Variants in MAGI2 observed in about 807,000 individuals in gnomAD.
The protein encoded by MAGI2 is membrane associated guanylate kinase, WW and PDZ domain containing 2, also known as membrane-associated guanylate kinase, WW and PDZ domain-containing protein 2.
In MAGI2, 35 loss-of-function variants were observed where a neutral mutation model predicts 133.3. The ratio of observed to expected loss-of-function variants is 0.26; its 90% confidence interval spans 0.20 to 0.35. The LOEUF (loss-of-function observed/expected upper bound fraction) is 0.35, where lower values mean the gene tolerates loss of function less well. Ranked by LOEUF, MAGI2 falls within the 10% of genes least tolerant of loss-of-function variation. The pLI, the probability that MAGI2 is intolerant of heterozygous loss-of-function variation, is 1.00. For missense variants in MAGI2, 1,636 were observed against 1,863.4 expected (o/e 0.88, Z 2.25); for synonymous variants, 729 against 710.6 (o/e 1.03, Z -0.41).
chr7:78,059,119 A>G (rs1342474629), intron 21 of MAGI2, among the ~76,000 whole-genome samples: 2 of 152,130 alleles, frequency 1.3e-5, no homozygotes, highest in Non-Finnish European at 2.9e-5. Context: ...ATCTACCTCT[A>G]GTCCACTGGT....
intron 21 of MAGI2, among the ~76,000 whole-genome samples, chr7:78,075,119 A>G (rs977422388): frequency 6.6e-6 from 1 of 152,216 alleles, no homozygotes; most frequent in African/African-American, 2.4e-5. Context: ...GAAGTGTGGT[A>G]TGTGCTGGGC....
At chr7:78,020,374 T>C (rs1313751552) in intron 21 of MAGI2, among the ~76,000 whole-genome samples, 1 of 152,100 alleles carries the variant, frequency 6.6e-6, no homozygotes, top group Admixed American at 6.5e-5. Flanking sequence ...AGGGTGGTGG[T>C]GAAAAATACA....
At chr7:79,052,260 C>G (rs1051336739) in intron 1 of MAGI2, among the ~76,000 whole-genome samples, 2 of 152,164 alleles carry the variant, frequency 1.3e-5, no homozygotes, top group Non-Finnish European at 2.9e-5. Context: ...AGCATGGCTA[C>G]TATCAGGGGG....
At chr7:78,421,565 G>A (rs953403485) in intron 6 of MAGI2, among the ~76,000 whole-genome samples, 1 of 152,206 alleles carries the variant, frequency 6.6e-6, no homozygotes, top group Non-Finnish European at 1.5e-5. Flanking sequence ...TATAATCCCA[G>A]CACTTTGGGA....
chr7:78,852,728 C>T (rs1793251175), intron 2 of MAGI2, among the ~76,000 whole-genome samples: 1 of 151,932 alleles, frequency 6.6e-6, no homozygotes, highest in Non-Finnish European at 1.5e-5. Context: ...AACTACAGAC[C>T]CTAAATGATG....
intron 2 of MAGI2, among the ~76,000 whole-genome samples, chr7:79,004,744 T>C (rs1231423007): frequency 6.6e-6 from 1 of 152,106 alleles, no homozygotes; most frequent in Non-Finnish European, 1.5e-5. Context: ...ATGTATCAAT[T>C]AGAAATTCAA....
At chr7:79,102,897 G>A (rs991459646) in intron 1 of MAGI2, among the ~76,000 whole-genome samples, 53 of 152,166 alleles carry the variant, frequency 3.5e-4, no homozygotes, top group African/African-American at 1.3e-3. Context: ...TGATTTTTAA[G>A]TAAGGGAGGT....
intron 21 of MAGI2, among the ~76,000 whole-genome samples, chr7:78,037,817 G>A (rs1810388403): frequency 6.6e-6 from 1 of 152,216 alleles, no homozygotes; most frequent in African/African-American, 2.4e-5. Context: ...TCTCAGAGCT[G>A]AGGGGAGAGG....
rs1446349226 is a variant in MAGI2 at position 79,317,307 on chromosome 7, AGCCTGC to A, written c.301+135707_301+135712del. On this transcript the variant is annotated intron_variant, in intron 1 of 21. Coordinates refer to ENST00000354212, the MANE Select transcript of MAGI2 (RefSeq NM_012301.4). ...CCAAAGTGTTGGGATTACAGGCATGAGCCTGCACGCCCAGCCAAACTGTAGCTTTTA... is the reference window on the plus strand; with the variant it reads ...CCAAAGTGTTGGGATTACAGGCATGAACGCCCAGCCAAACTGTAGCTTTTA... Among the ~76,000 whole-genome samples the A allele has an allele frequency of 2.0e-5, 3 of 152,242 alleles. No homozygotes were observed. The East Asian group carries it at 5.8e-4, about 30-fold the overall frequency.
At chr7:78,882,955 G>C (rs1172945596) in intron 2 of MAGI2, among the ~76,000 whole-genome samples, 2 of 152,032 alleles carry the variant, frequency 1.3e-5, no homozygotes, top group African/African-American at 4.8e-5. Context: ...AGAAGATAAG[G>C]ATGCCCACTC....
rs1268613923 is a variant in MAGI2, at chr7:79,383,368, A to G, written c.301+69652T>C. 3.3e-5 allele frequency among the ~76,000 whole-genome samples: 5 copies of G among 151,754 alleles called. No homozygotes were observed. In the East Asian group the frequency reaches 9.7e-4, roughly 29 times the overall value. ...GAAATACCATAGACATGGCTAGTAA[A>G]AACATTCACAAGGAAAGTTTAGGAA... On this transcript the variant is annotated intron_variant, in intron 1 of 21. Coordinates refer to ENST00000354212, the MANE Select transcript of MAGI2 (RefSeq NM_012301.4).
At chr7:78,778,077 C>T (rs1273751723) in intron 2 of MAGI2, among the ~76,000 whole-genome samples, 2 of 152,122 alleles carry the variant, frequency 1.3e-5, no homozygotes, top group Non-Finnish European at 2.9e-5. Context: ...TGAATCATCC[C>T]AGTTTTGATT....
At chr7:78,058,001 A>ATGTGTG (rs1237650726) in intron 21 of MAGI2, among the ~76,000 whole-genome samples, 1 of 111,376 alleles carries the variant, frequency 9.0e-6, no homozygotes, top group African/African-American at 3.4e-5. Flanking sequence ...ATATATATAT[A>ATGTGTG]TATGTATGAG....
intron 1 of MAGI2, among the ~76,000 whole-genome samples, chr7:79,399,090 CTTTTCTTTTTTTTTTTT>C (rs1845282401): frequency 9.9e-6 from 1 of 101,442 alleles, no homozygotes; most frequent in Admixed American, 9.8e-5. Flanking sequence ...TTTTTTTTTT[CTTTTCTTTTTTTTTTTT>C]TTTGGGAGAT....
rs997185005 is a variant in MAGI2 at position 78,292,234 on chromosome 7, G to A, written c.1409-35653C>T. 1.6e-4 allele frequency among the ~76,000 whole-genome samples: 24 copies of A among 152,180 alleles called. 1 individual carries two copies. The highest frequency in any genetic ancestry group is 5.3e-4 in the African/African-American group (22 of 41,440). ...TAAGCTGATAAGCAACTTCAGCAAA[G>A]TCTCAGGATACAAAATCAATCTGCA... On this transcript the variant is annotated intron_variant, in intron 9 of 21. Transcript: ENST00000354212.
chr7:78,785,068 A>G (rs1164470310), intron 2 of MAGI2, among the ~76,000 whole-genome samples: 3 of 152,242 alleles, frequency 2.0e-5, no homozygotes, highest in Non-Finnish European at 4.4e-5. Flanking sequence ...CCCTGTCCTT[A>G]TAACTATATG....
chr7:78,741,270 G>A (rs1822392385), intron 2 of MAGI2, among the ~76,000 whole-genome samples: 1 of 151,770 alleles, frequency 6.6e-6, no homozygotes, highest in African/African-American at 2.4e-5. Flanking sequence ...AGAACGTAAT[G>A]AGAGTGAGGT....
chr7:78,289,119 C>G (rs1796442060), intron 9 of MAGI2, among the ~76,000 whole-genome samples: 1 of 152,118 alleles, frequency 6.6e-6, no homozygotes, highest in South Asian at 2.1e-4. Context: ...GATGAGTTGG[C>G]AGAAGTAGGC....
At chr7:79,336,889 T>C (rs1287320969) in intron 1 of MAGI2, among the ~76,000 whole-genome samples, 2 of 151,904 alleles carry the variant, frequency 1.3e-5, no homozygotes, top group Admixed American at 1.3e-4. Context: ...GTAGCAGATA[T>C]GTAGAATGAA....
Sources: allele counts gnomAD v4.1 joint callset (sites outside exome capture counted in the v4.1 genomes callset), GRCh38; gene constraint gnomAD v4.1.1; transcripts MANE v1.5; gene names NCBI Gene and HGNC (gene_info 2026-07-23, HGNC 2026-07-21).